DIAPH2: variants seen among roughly 807,000 people sequenced by gnomAD.
The protein encoded by DIAPH2 is protein diaphanous homolog 2.
Under a neutral mutation model 92.7 loss-of-function variants are expected in DIAPH2, and 35 were observed. That is an observed-to-expected ratio of 0.38 (90% CI 0.29 to 0.50). The LOEUF (loss-of-function observed/expected upper bound fraction) is 0.50. Ranked by LOEUF, DIAPH2 falls within the 20% of genes least tolerant of loss-of-function variation. The probability of loss-of-function intolerance (pLI) is 0.94; values close to 1 mark genes in which losing one functional copy is unlikely to be tolerated. For synonymous variants in DIAPH2, 301 were observed against 280.4 expected (o/e 1.07, Z -0.73); for missense variants, 701 against 819.5 (o/e 0.86, Z 1.77).
At chrX:97,217,427 C>G (rs567798682) in intron 22 of DIAPH2, among the ~76,000 whole-genome samples, 1 of 111,453 alleles carries the variant, frequency 9.0e-6, no homozygotes, top group South Asian at 3.8e-4. Context: ...AGATACTTAA[C>G]CTGCCACCCT....
At chrX:96,799,192 C>T (rs1436091864) in intron 4 of DIAPH2, among the ~76,000 whole-genome samples, 2 of 111,154 alleles carry the variant, frequency 1.8e-5, no homozygotes, top group African/African-American at 6.6e-5. Context: ...GGTTTGTCCC[C>T]TCCCTGCACT....
chrX:97,510,632 T>G (rs2070881409), intron 26 of DIAPH2, among the ~76,000 whole-genome samples: 1 of 102,503 alleles, frequency 9.8e-6, no homozygotes, highest in Admixed American at 1.1e-4. Flanking sequence ...CTAGGGTTTT[T>G]ATGGTTTTAG....
At chrX:96,998,225 A>C (rs1438497371) in intron 17 of DIAPH2, among the ~76,000 whole-genome samples, 1 of 111,140 alleles carries the variant, frequency 9.0e-6, no homozygotes, top group African/African-American at 3.3e-5. Flanking sequence ...ATTAATATTT[A>C]CCTTTAACTT....
intron 4 of DIAPH2, among the ~76,000 whole-genome samples, chrX:96,802,008 G>T (rs906891043): frequency 2.7e-5 from 3 of 111,887 alleles, no homozygotes; most frequent in Non-Finnish European, 5.6e-5. Flanking sequence ...GAACAATACT[G>T]TCTCTTCCCA....
At chrX:97,429,033 A>C (rs964734793) in intron 25 of DIAPH2, among the ~76,000 whole-genome samples, 1 of 112,057 alleles carries the variant, frequency 8.9e-6, no homozygotes, top group Non-Finnish European at 1.9e-5. Flanking sequence ...GCATTCTAAA[A>C]AGGAAGTGGG....
intron 22 of DIAPH2, among the ~76,000 whole-genome samples, chrX:97,178,443 CTTTTTTTTT>C (rs766983375): frequency 2.5e-4 from 17 of 67,259 alleles, no homozygotes; most frequent in African/African-American, 6.4e-4. Flanking sequence ...CTATATTTCT[CTTTTTTTTT>C]TTTTTTTTTT....
At chrX:96,724,069 G>A (rs1323046594) in intron 1 of DIAPH2, among the ~76,000 whole-genome samples, 1 of 108,173 alleles carries the variant, frequency 9.2e-6, no homozygotes, top group Non-Finnish European at 1.9e-5. Context: ...GATTACAGGC[G>A]CCCACCACCA....
intron 17 of DIAPH2, among the ~76,000 whole-genome samples, chrX:97,069,587 C>T (rs1363388750): frequency 5.4e-5 from 6 of 110,994 alleles, no homozygotes; most frequent in Non-Finnish European, 1.1e-4. Flanking sequence ...TGTTGTGTAC[C>T]ATTGTATGCT....
chrX:97,262,559 G>C (rs2068297655), intron 23 of DIAPH2, among the ~76,000 whole-genome samples: 2 of 112,245 alleles, frequency 1.8e-5, no homozygotes. Flanking sequence ...GAATTGAAAA[G>C]AGATAATGAC....
intron 17 of DIAPH2, among the ~76,000 whole-genome samples, chrX:97,005,818 C>T (rs1488309997): frequency 9.0e-6 from 1 of 110,946 alleles, no homozygotes. Flanking sequence ...GGATTACAGG[C>T]GTGAGCCACC....
At chrX:97,045,037 A>C (rs2066471768) in intron 17 of DIAPH2, among the ~76,000 whole-genome samples, 1 of 110,943 alleles carries the variant, frequency 9.0e-6, no homozygotes, top group Non-Finnish European at 1.9e-5. Context: ...ATGACTTCAT[A>C]CTCTCCTGGG....
At chrX:96,691,510 C>G (rs866382701) in intron 1 of DIAPH2, among the ~76,000 whole-genome samples, 29 of 112,322 alleles carry the variant, frequency 2.6e-4, no homozygotes, top group South Asian at 3.7e-4. Flanking sequence ...TTTTCCTCAT[C>G]AGGTTGAGTC....
chrX:96,892,618 A>T lies in DIAPH2; in HGVS notation c.587+10900A>T, dbSNP rs762302247. Among the ~76,000 whole-genome samples the T allele has an allele frequency of 2.7e-5, 3 of 111,967 alleles. No homozygotes were observed. In the South Asian group the frequency reaches 1.1e-3, roughly 42 times the overall value. On this transcript the variant is annotated intron_variant, in intron 5 of 26. Coordinates refer to ENST00000324765, the MANE Select transcript of DIAPH2 (RefSeq NM_006729.5). ...AATTCTGACTTCGGCACATGCAATG[A>T]TATTACCTCTTAATAGAAGCAAAGT...
At chrX:96,973,675 A>G (rs1228307338) in intron 17 of DIAPH2, among the ~76,000 whole-genome samples, 1 of 96,031 alleles carries the variant, frequency 1.0e-5, no homozygotes, top group Non-Finnish European at 2.0e-5. Flanking sequence ...TATAGCAGGC[A>G]TTTGAATATT....
intron 23 of DIAPH2, among the ~76,000 whole-genome samples, chrX:97,334,993 C>CAAAAA (rs1314227612): frequency 9.8e-3 from 65 of 6,621 alleles, no homozygotes; most frequent in Non-Finnish European, 0.022. Context: ...AAAACAAAAA[C>CAAAAA]AAAACAAAAA....
At chrX:97,418,691 G>A (rs1268347218) in intron 25 of DIAPH2, among the ~76,000 whole-genome samples, 1 of 111,929 alleles carries the variant, frequency 8.9e-6, no homozygotes, top group African/African-American at 3.2e-5. Flanking sequence ...TAGGTAAGGA[G>A]CTAGGTCTTT....
At chrX:97,025,727 A>G (rs747333507) in intron 17 of DIAPH2, among the ~76,000 whole-genome samples, 57 of 112,751 alleles carry the variant, frequency 5.1e-4, no homozygotes, top group African/African-American at 1.7e-3. Context: ...TGAGAATGCA[A>G]TAATCTCTAA....
intron 4 of DIAPH2, among the ~76,000 whole-genome samples, chrX:96,842,408 A>C (rs751717962): frequency 5.0e-4 from 56 of 111,971 alleles, no homozygotes; most frequent in African/African-American, 1.7e-3. Flanking sequence ...ACATCATGCT[A>C]GGTATGTTTC....
chrX:97,412,683 A>G (rs762230668), intron 25 of DIAPH2, among the ~76,000 whole-genome samples: 1 of 112,111 alleles, frequency 8.9e-6, no homozygotes, highest in Admixed American at 9.4e-5. Flanking sequence ...GAAAAGAGAG[A>G]AGAATCAAAT....
Sources: gnomAD v4.1 joint callset for allele counts (sites outside exome capture counted in the v4.1 genomes callset) on GRCh38, gnomAD v4.1.1 for gene constraint, MANE v1.5 for transcripts, NCBI Gene and HGNC (gene_info 2026-07-23, HGNC 2026-07-21) for gene names.